The following NBEA variants were observed in gnomAD, a reference collection of about 807,000 sequenced individuals.
NBEA encodes neurobeachin, also known as lysosomal-trafficking regulator 2.
A neutral mutation model predicts 343.4 loss-of-function variants in NBEA; 44 were observed. The observed-to-expected ratio is 0.13, with a 90% CI of 0.10 to 0.16. The LOEUF is 0.16. NBEA is among the 10% of genes least tolerant of loss of function. NBEA has a pLI of 1.00. For synonymous variants in NBEA, 1,175 were observed against 1,238.7 expected, an observed-to-expected ratio of 0.95 and a Z score of 1.08; for missense variants, 2,555 against 3,631.3, an observed-to-expected ratio of 0.70 and a Z score of 7.62.
At position 35,667,634 on chromosome 13, in the gene NBEA, C is replaced by T. The variant is rs1221163523; in HGVS notation, c.8661+64C>T. The T allele has an allele frequency of 6.5e-6, 9 of 1,377,740 alleles. No individual in the cohort carries two copies. The African/African-American group carries it at 1.0e-4, about 15-fold the overall frequency. 85.3% of individuals were successfully genotyped at this position (1,377,740 alleles called of 1,614,324 possible). On this transcript the variant is annotated intron_variant, in intron 57 of 58. Coordinates refer to ENST00000379939, the MANE Select transcript of NBEA (RefSeq NM_001385012.1). ...AAGAGATTAAAGATTGATTGTTTTACATTAAATAATTCATAATAGAATGTC... is the reference window on the plus strand; with the variant it reads ...AAGAGATTAAAGATTGATTGTTTTATATTAAATAATTCATAATAGAATGTC...
At chr13:35,065,010 A>T (rs1405054046) in intron 8 of NBEA, among the ~76,000 whole-genome samples, 1 of 150,420 alleles carries the variant, frequency 6.6e-6, no homozygotes, top group Non-Finnish European at 1.5e-5. Flanking sequence ...CAGTCACTAC[A>T]TACCATTGAC....
At chr13:34,998,010 A>T (rs2060996145) in intron 1 of NBEA, among the ~76,000 whole-genome samples, 1 of 152,162 alleles carries the variant, frequency 6.6e-6, no homozygotes. Flanking sequence ...ACTATTGGGC[A>T]AAATTCACCC....
At chr13:35,553,451 AGC>A (rs2079437214) in intron 43 of NBEA, among the ~76,000 whole-genome samples, 2 of 152,072 alleles carry the variant, frequency 1.3e-5, no homozygotes, top group Non-Finnish European at 2.9e-5. Context: ...CCTGTCACTT[AGC>A]TGGGTAACAA....
At chr13:34,995,253 G>GGTCAAGGATC (rs2060899032) in intron 1 of NBEA, among the ~76,000 whole-genome samples, 1 of 152,072 alleles carries the variant, frequency 6.6e-6, no homozygotes, top group Non-Finnish European at 1.5e-5. Context: ...AGGAGTTTGA[G>GGTCAAGGATC]ACCAGCCTGC....
intron 24 of NBEA, among the ~76,000 whole-genome samples, chr13:35,167,818 G>C (rs1459008581): frequency 6.6e-6 from 1 of 151,764 alleles, no homozygotes; most frequent in Non-Finnish European, 1.5e-5. Flanking sequence ...AGAAGAAAAA[G>C]AAAAGCAAAG....
intron 1 of NBEA, among the ~76,000 whole-genome samples, chr13:34,944,936 A>C (rs1593248397): frequency 6.6e-6 from 1 of 152,308 alleles, no homozygotes; most frequent in South Asian, 2.1e-4. Flanking sequence ...GTGCTGAATC[A>C]GTTCTTAACA....
chr13:35,553,319 A>T (rs2079431161), intron 43 of NBEA, among the ~76,000 whole-genome samples: 2 of 152,018 alleles, frequency 1.3e-5, no homozygotes, highest in Non-Finnish European at 2.9e-5. Context: ...TTCCCCCAAA[A>T]AGCTCAACTA....
At chr13:35,244,362 T>A (rs1437906540) in intron 34 of NBEA, among the ~76,000 whole-genome samples, 1 of 151,976 alleles carries the variant, frequency 6.6e-6, no homozygotes, top group African/African-American at 2.4e-5. Context: ...CACCATTTGT[T>A]GAAAGAGTAT....
At chr13:35,306,462 T>C (rs193095091) in intron 35 of NBEA, among the ~76,000 whole-genome samples, 306 of 152,244 alleles carry the variant, frequency 2.0e-3, no homozygotes, top group African/African-American at 6.8e-3. Context: ...TGTTCTATTT[T>C]CTGGGAGATA....
At chr13:35,401,669 G>C (rs1594492415) in intron 38 of NBEA, among the ~76,000 whole-genome samples, 1 of 152,056 alleles carries the variant, frequency 6.6e-6, no homozygotes, top group East Asian at 1.9e-4. Context: ...AAATAGTTCA[G>C]AATCAATAAG....
intron 10 of NBEA, among the ~76,000 whole-genome samples, chr13:35,073,235 CA>C (rs2152576179): frequency 6.6e-6 from 1 of 152,224 alleles, no homozygotes; most frequent in East Asian, 1.9e-4. Context: ...GCTATATCAT[CA>C]GTTCATATCG....
chr13:35,577,551 G>A (rs570825436), intron 45 of NBEA, among the ~76,000 whole-genome samples: 18 of 152,072 alleles, frequency 1.2e-4, no homozygotes, highest in South Asian at 6.2e-4. Context: ...CATTTTTAAG[G>A]AAACTAGCTC....
At chr13:35,222,872 T>C (rs1281729868) in intron 33 of NBEA, among the ~76,000 whole-genome samples, 4 of 152,204 alleles carry the variant, frequency 2.6e-5, no homozygotes, top group African/African-American at 9.6e-5. Flanking sequence ...CTCACACCTG[T>C]AATTCCAGCA....
In NBEA at chr13:35,164,655, C is replaced by T. The variant is rs2069848155; in HGVS notation, c.4233+146C>T. Reference sequence around the variant, plus strand: ...ACCATTTAAATTTCTATTTCCACCACTTTTGTTTATCAGTGTTGGGTTCCA... The same window carrying T: ...ACCATTTAAATTTCTATTTCCACCATTTTTGTTTATCAGTGTTGGGTTCCA... On this transcript the variant is annotated intron_variant, in intron 24 of 58. Coordinates refer to ENST00000379939, the MANE Select transcript of NBEA (RefSeq NM_001385012.1). 15 of 874,376 alleles carry T rather than the reference C, an allele frequency of 1.7e-5. No individual in the cohort carries two copies. The East Asian group carries it at 4.0e-4, about 23-fold the overall frequency. 54.2% of individuals were successfully genotyped at this position (874,376 alleles called of 1,614,324 possible).
chr13:35,538,265 A>G (rs932677347), intron 41 of NBEA, among the ~76,000 whole-genome samples: 15 of 152,232 alleles, frequency 9.9e-5, no homozygotes, highest in African/African-American at 3.6e-4. Context: ...TTATACATGT[A>G]GCCTGAGGGT....
intron 36 of NBEA, among the ~76,000 whole-genome samples, chr13:35,346,071 T>G (rs1195224184): frequency 2.6e-5 from 4 of 152,078 alleles, no homozygotes; most frequent in Non-Finnish European, 5.9e-5. Context: ...ACTAAAAAAC[T>G]GATACAATTT....
intron 34 of NBEA, among the ~76,000 whole-genome samples, chr13:35,235,356 T>A (rs1183973696): frequency 6.6e-6 from 1 of 152,224 alleles, no homozygotes; most frequent in East Asian, 1.9e-4. Flanking sequence ...CCTCATTCCC[T>A]ACAAGATAAA....
chr13:35,154,199 A>G (rs1432825667), intron 18 of NBEA, among the ~76,000 whole-genome samples: 26 of 152,112 alleles, frequency 1.7e-4, no homozygotes, highest in Admixed American at 1.7e-3. Context: ...TACTTATGTA[A>G]ATGTCCTGTC....
At chr13:35,425,368 A>G (rs1337961924) in intron 38 of NBEA, among the ~76,000 whole-genome samples, 1 of 152,168 alleles carries the variant, frequency 6.6e-6, no homozygotes, top group Non-Finnish European at 1.5e-5. Context: ...ATTGGTTTCA[A>G]AGAACATCTT....
Sources: allele counts gnomAD v4.1 joint callset (sites outside exome capture counted in the v4.1 genomes callset), GRCh38; gene constraint gnomAD v4.1.1; transcripts MANE v1.5; gene names NCBI Gene and HGNC (gene_info 2026-07-23, HGNC 2026-07-21).